The following CEP170 variants were observed in gnomAD, a reference collection of about 807,000 sequenced individuals.
The protein encoded by CEP170 is centrosomal protein of 170 kDa.
In CEP170, 21 loss-of-function variants were observed where a neutral mutation model predicts 151.9. The observed-to-expected ratio is 0.14, with a 90% CI of 0.10 to 0.20. The LOEUF (loss-of-function observed/expected upper bound fraction) is 0.20. CEP170 is among the 10% of genes least tolerant of loss of function. The pLI is 1.00. For synonymous variants in CEP170, 356 were observed against 648.8 expected (o/e 0.55, Z 6.86); for missense variants, 964 against 1,892.9 (o/e 0.51, Z 9.11).
At chr1:243,251,185 C>T (rs1236748175) in intron 1 of CEP170, among the ~76,000 whole-genome samples, 1 of 152,166 alleles carries the variant, frequency 6.6e-6, no homozygotes, top group African/African-American at 2.4e-5. Context: ...TTTTTGGAAG[C>T]TAAACAGGCT....
intron 8 of CEP170, among the ~76,000 whole-genome samples, chr1:243,189,363 T>C (rs1381655326): frequency 2.3e-4 from 35 of 152,138 alleles, no homozygotes; most frequent in South Asian, 8.3e-4. Context: ...AAGACCATCC[T>C]GGCTAACACG....
chr1:243,159,765 G>T (rs1280190823), intron 13 of CEP170, among the ~76,000 whole-genome samples: 29 of 140,150 alleles, frequency 2.1e-4, no homozygotes, highest in South Asian at 4.6e-4. Flanking sequence ...TTCCGGTTTT[G>T]TGTGTGTGTG....
intron 1 of CEP170, among the ~76,000 whole-genome samples, chr1:243,228,328 T>TATCAAC (rs2063465900): frequency 6.6e-6 from 1 of 152,214 alleles, no homozygotes; most frequent in Non-Finnish European, 1.5e-5. Context: ...CCTCCTCAGC[T>TATCAAC]TATTTGATAT....
At chr1:243,236,206 C>G (rs1172403680) in intron 1 of CEP170, among the ~76,000 whole-genome samples, 2 of 152,172 alleles carry the variant, frequency 1.3e-5, no homozygotes, top group African/African-American at 4.8e-5. Flanking sequence ...GTTACAAATG[C>G]AGTATAAACA....
At chr1:243,242,003 G>C (rs954007562) in intron 1 of CEP170, among the ~76,000 whole-genome samples, 3 of 151,822 alleles carry the variant, frequency 2.0e-5, no homozygotes, top group African/African-American at 7.3e-5. Flanking sequence ...CTACAAATTG[G>C]GCCCAAGAAC....
At chr1:243,141,427 T>C (rs2055821413) in intron 15 of CEP170, among the ~76,000 whole-genome samples, 2 of 152,184 alleles carry the variant, frequency 1.3e-5, no homozygotes, top group South Asian at 4.1e-4. Flanking sequence ...TTTCATGTAA[T>C]TTTCATGTTG....
At chr1:243,252,737 A>G (rs991084699) in intron 1 of CEP170, among the ~76,000 whole-genome samples, 3 of 152,172 alleles carry the variant, frequency 2.0e-5, no homozygotes, top group African/African-American at 7.2e-5. Context: ...ATAATCCCAC[A>G]TACTGAAATT....
chr1:243,195,443 T>G (rs1247381451), intron 7 of CEP170, among the ~76,000 whole-genome samples: 2 of 151,978 alleles, frequency 1.3e-5, no homozygotes, highest in Admixed American at 1.3e-4. Context: ...AAGTAAGTAT[T>G]TGCTTAAACC....
chr1:243,190,846 A>G (rs556846276), intron 8 of CEP170, among the ~76,000 whole-genome samples, 172 bp downstream of exon 8: 1 of 152,318 alleles, frequency 6.6e-6, no homozygotes, highest in East Asian at 1.9e-4. Context: ...ATTTTGAATG[A>G]GGAAATTGGA....
intron 10 of CEP170, among the ~76,000 whole-genome samples, chr1:243,179,493 C>A (rs2059479566): frequency 6.6e-6 from 1 of 152,112 alleles, no homozygotes; most frequent in South Asian, 2.1e-4. Flanking sequence ...CTTAATATTA[C>A]AAAGCTAAGT....
chr1:243,177,222 G>A (rs549810427), intron 10 of CEP170, among the ~76,000 whole-genome samples: 38 of 152,200 alleles, frequency 2.5e-4, no homozygotes, highest in Non-Finnish European at 4.8e-4. Flanking sequence ...GAAGAGAAGC[G>A]CCGTGGGGTA....
rs1424932099 is a variant in CEP170 at position 243,199,197 on chromosome 1, G to A, written c.497-3C>T. ...ACCACGGGGCATAGCAGAAATATCT[G>A]GAAAGAGGTGGGAAAAATCTGTCTA... On this transcript the variant is annotated splice_polypyrimidine_tract_variant and splice_region_variant and intron_variant, in intron 6 of 19. Transcript: ENST00000366542. The A allele has an allele frequency of 6.2e-7, 1 of 1,607,708 alleles. No homozygotes were observed. The highest frequency in any genetic ancestry group is 8.5e-7 in the Non-Finnish European group (1 of 1,176,650).
At chr1:243,132,509 T>C (rs1558367140) in intron 17 of CEP170, among the ~76,000 whole-genome samples, 10 of 152,188 alleles carry the variant, frequency 6.6e-5, no homozygotes, top group Admixed American at 2.0e-4. Flanking sequence ...ATAGTAAAAC[T>C]CAACACTCGA....
chr1:243,193,482 GA>G (rs2060445573), intron 7 of CEP170, among the ~76,000 whole-genome samples: 1 of 151,832 alleles, frequency 6.6e-6, no homozygotes, highest in African/African-American at 2.4e-5. Flanking sequence ...CCACTATACA[GA>G]GAGCTAAATA....
chr1:243,248,564 A>C (rs377318115), intron 1 of CEP170, among the ~76,000 whole-genome samples: 1 of 152,180 alleles, frequency 6.6e-6, no homozygotes, highest in Non-Finnish European at 1.5e-5. Flanking sequence ...TTTAACAGAC[A>C]CTTCAAACTT....
At chr1:243,209,982 C>T (rs1051838352) in intron 4 of CEP170, among the ~76,000 whole-genome samples, 9 of 152,140 alleles carry the variant, frequency 5.9e-5, no homozygotes, top group Non-Finnish European at 1.0e-4. Flanking sequence ...CATGAGCCAC[C>T]GTGGCTGGCT....
intron 1 of CEP170, among the ~76,000 whole-genome samples, chr1:243,248,149 A>T (rs1261659656): frequency 6.6e-6 from 1 of 152,230 alleles, no homozygotes; most frequent in Non-Finnish European, 1.5e-5. Flanking sequence ...AACCAGATTT[A>T]AAAAAGGAAA....
intron 10 of CEP170, among the ~76,000 whole-genome samples, chr1:243,178,963 C>G (rs2486232): frequency 6.6e-6 from 1 of 152,152 alleles, no homozygotes; most frequent in Non-Finnish European, 1.5e-5. Context: ...CGTGATCACC[C>G]GCCTTGGCCT....
intron 8 of CEP170, among the ~76,000 whole-genome samples, chr1:243,190,027 A>G (rs576419628): frequency 6.6e-6 from 1 of 152,288 alleles, no homozygotes; most frequent in African/African-American, 2.4e-5. Flanking sequence ...TACAAATACT[A>G]TTTCTTCATT....
Sources: gnomAD v4.1 joint callset for allele counts (sites outside exome capture counted in the v4.1 genomes callset) on GRCh38, gnomAD v4.1.1 for gene constraint, MANE v1.5 for transcripts, NCBI Gene and HGNC (gene_info 2026-07-23, HGNC 2026-07-21) for gene names.